The following ZMYND19 variants were observed in gnomAD, a reference collection of about 807,000 sequenced individuals.
ZMYND19 encodes zinc finger MYND domain-containing protein 19.
ZMYND19 carries 17 observed loss-of-function variants against 32.0 expected under a neutral mutation model. That is an observed-to-expected ratio of 0.53 (90% CI 0.36 to 0.80). The LOEUF is 0.80. ZMYND19 is among the 30% of genes least tolerant of loss of function. The pLI is 0.00. For missense variants in ZMYND19, 250 were observed against 293.6 expected, an observed-to-expected ratio of 0.85 and a Z score of 1.09; for synonymous variants, 124 against 113.6, an observed-to-expected ratio of 1.09 and a Z score of -0.58.
rs1323865012 is a variant in ZMYND19, at chr9:137,582,182, A to G, written c.*361T>C. On this transcript the variant is annotated 3_prime_UTR_variant, in exon 6 of 6. Transcript: ENST00000298585. ...AGGGGAGAAGCTTCGACAACAGGAC[A>G]GTTTTTAGTCACGTGGCCTGACCGT... The G allele has an allele frequency of 1.6e-5, 3 of 183,006 alleles. No homozygotes were observed. The highest frequency in any genetic ancestry group is 3.4e-5 in the Non-Finnish European group (3 of 88,070). 11.3% of individuals were successfully genotyped at this position (183,006 alleles called of 1,614,324 possible).
At position 137,590,461 on chromosome 9, in the gene ZMYND19, G is replaced by GCGCCGCCGCCGCCGCCGCCGC. The variant is rs905828783; in HGVS notation, c.-199_-198insGCGGCGGCGGCGGCGGCGGCG. ...GCCTCGCGCCCGCCGGACCTGCCAC[G>GCGCCGCCGCCGCCGCCGCCGC]CGCCGCCGCCGCCGCCGCCACCGCC... On this transcript the variant is annotated 5_prime_UTR_variant, in exon 1 of 6. Transcript: ENST00000298585. The surrounding 1 kb of genome is among the most constrained non-coding windows in gnomAD (Gnocchi z 4.2). The GCGCCGCCGCCGCCGCCGCCGC allele has an allele frequency of 5.7e-6, 1 of 176,214 alleles. No individual in the cohort carries two copies. The highest frequency in any genetic ancestry group is 2.4e-5 in the African/African-American group (1 of 41,110). 10.9% of individuals were successfully genotyped at this position (176,214 alleles called of 1,614,324 possible). A position where few individuals can be genotyped will look rare whatever the true frequency, so the allele number is the denominator to read the frequency against.
At position 137,582,969 on chromosome 9, in the gene ZMYND19, T is replaced by C. The variant is rs1218980558; in HGVS notation, c.540+14A>G. On this transcript the variant is annotated intron_variant, in intron 5 of 5. Coordinates refer to ENST00000298585, the MANE Select transcript of ZMYND19 (RefSeq NM_138462.3). ...AGAGGTGCCAGGGACGCGACCGCAC[T>C]GCAGCACACCCACCTGCTTCTCAAT... is the stretch of plus-strand genomic sequence containing the variant. 6.2e-7 allele frequency: 1 copy of C among 1,613,568 alleles called. No homozygotes were observed. Among genetic ancestry groups the C allele is most frequent in the Non-Finnish European group, 8.5e-7 (1 of 1,179,734 alleles).
intron 3 of ZMYND19, 38 bp downstream of exon 3, chr9:137,587,679 C>T: frequency 1.3e-6 from 2 of 1,595,970 alleles, no homozygotes; most frequent in African/African-American, 2.7e-5. Context: ...ACCCAGGAGC[C>T]CAGTGGCGGG....
intron 5 of ZMYND19, 34 bp downstream of exon 5, chr9:137,582,949 T>G (rs1588972002): frequency 1.2e-6 from 2 of 1,608,492 alleles, no homozygotes; most frequent in East Asian, 2.2e-5. Flanking sequence ...AGGGTAGAGG[T>G]GCCAGGGACG....
In ZMYND19 at chr9:137,584,686, G is replaced by A. The variant is rs561022679; in HGVS notation, c.360-1523C>T. ...CTACAGATGCTGCTCTGCCTGCCAA[G>A]CACGCCTTCCCCTTCCCCTTCCCTT... On this transcript the variant is annotated intron_variant, in intron 4 of 5. Transcript: ENST00000298585. Among the ~76,000 whole-genome samples the A allele has an allele frequency of 1.2e-4, 18 of 152,334 alleles. 1 individual carries two copies. In the South Asian group the frequency reaches 3.7e-3, roughly 32 times the overall value.
chr9:137,587,158 C>T (rs1432963133), intron 3 of ZMYND19, 51 bp from the exon 4 acceptor site: 1 of 1,584,516 alleles, frequency 6.3e-7, no homozygotes, highest in Non-Finnish European at 8.5e-7. Flanking sequence ...CTGCCTCCCA[C>T]CCTCACAGAC....
chr9:137,582,569 G>A lies in ZMYND19; in HGVS notation c.658C>T (p.Gln220Ter). Residue 220 changes from glutamine (Q) to a stop codon, truncating the protein, a stop_gained, in exon 6 of 6, where the codon CAG (glutamine) becomes TAG (stop). Transcript: ENST00000298585. LOFTEE classifies it high-confidence loss of function. ...KHCRERKRPF[Q>*]HELEPER is the part of the protein sequence containing the mutation. ...CATCGCTCTGGCTCAAGCTCATGCT[G>A]GAAGGGACGCTTCCTCTCCCGACAG... The A allele has an allele frequency of 6.2e-7, 1 of 1,613,234 alleles. No homozygotes were observed. Among genetic ancestry groups the A allele is most frequent in the Non-Finnish European group, 8.5e-7 (1 of 1,180,020 alleles).
At position 137,587,018 on chromosome 9, in the gene ZMYND19, A is replaced by G. The variant is rs1226068440; in HGVS notation, c.308T>C (p.Leu103Pro). Residue 103 changes from leucine (L) to proline (P), a missense_variant, in exon 4 of 6, where the codon CTG (leucine) becomes CCG (proline). Coordinates refer to ENST00000298585, the MANE Select transcript of ZMYND19 (RefSeq NM_138462.3). ...CTTGGGCCGCCAGCCCCACGGCACCAGTTGCAGGTTGTCCAGGCGATTGTC... is the reference window on the plus strand; with the variant it reads ...CTTGGGCCGCCAGCCCCACGGCACCGGTTGCAGGTTGTCCAGGCGATTGTC... ...TVDNRLDNLQ[L>P]VPWGWRPKAE... The G allele has an allele frequency of 6.2e-7, 1 of 1,612,512 alleles. No individual in the cohort carries two copies. Among genetic ancestry groups the G allele is most frequent in the Admixed American group, 1.7e-5 (1 of 60,028 alleles).
In ZMYND19 at chr9:137,583,028, G is replaced by A. The variant is rs1842164961; in HGVS notation, c.495C>T (p.Thr165=). The change falls in exon 5 of 6, where the codon ACC becomes ACT. Residue 165 remains threonine (T), a synonymous_variant. Coordinates refer to ENST00000298585, the MANE Select transcript of ZMYND19 (RefSeq NM_138462.3). ...DVVEEEENSC[T]YYECHYPPCT... Reference sequence around the variant, plus strand: ...AGGGAGGGTAGTGGCACTCATAGTAGGTGCAAGAGTTCTCCTCCTCTTCCA... The same window carrying A: ...AGGGAGGGTAGTGGCACTCATAGTAAGTGCAAGAGTTCTCCTCCTCTTCCA... 1 of 1,614,074 alleles carries A rather than the reference G, an allele frequency of 6.2e-7. No homozygotes were observed.
At chr9:137,584,232 G>A (rs762515027) in intron 4 of ZMYND19, among the ~76,000 whole-genome samples, 6 of 152,362 alleles carry the variant, frequency 3.9e-5, no homozygotes. Flanking sequence ...AACCAAAGAT[G>A]GCTGAGCCTG....
At chr9:137,588,567 C>T in intron 2 of ZMYND19, 92 bp downstream of exon 2, 2 of 1,426,582 alleles carry the variant, frequency 1.4e-6, no homozygotes, top group Non-Finnish European at 2.0e-6. Context: ...GGGCCGCCTG[C>T]TCTTGCAGCA....
At chr9:137,585,767 G>A (rs979410179) in intron 4 of ZMYND19, among the ~76,000 whole-genome samples, 8 of 152,204 alleles carry the variant, frequency 5.3e-5, no homozygotes, top group Admixed American at 5.2e-4. Context: ...CCAGGGCTCT[G>A]GCATGACTCT....
chr9:137,589,655 C>T, intron 1 of ZMYND19: 2 of 985,484 alleles, frequency 2.0e-6, no homozygotes, highest in Non-Finnish European at 2.4e-6. Context: ...CAGGCTTCTT[C>T]CTCTCTGCTC....
Position 137,588,994 on chromosome 9 carries a change from G to C in ZMYND19, c.52-276C>G, listed in dbSNP as rs79341388. On this transcript the variant is annotated intron_variant, in intron 1 of 5. Transcript: ENST00000298585. ...TGGTATCAGGCTTCATCCTCGCAGG[G>C]CTAACCCCAACAGTGGCACTGAACA... is the stretch of plus-strand genomic sequence containing the variant. The C allele has an allele frequency of 5.4e-3, 2,481 of 456,112 alleles. 50 individuals are homozygous for C. The highest frequency in any genetic ancestry group is 0.044 in the African/African-American group (2,229 of 51,124). 28.3% of individuals were successfully genotyped at this position (456,112 alleles called of 1,614,324 possible).
intron 4 of ZMYND19, 44 bp from the exon 5 acceptor site, chr9:137,583,207 G>A (rs1842167411): frequency 1.9e-6 from 3 of 1,598,756 alleles, no homozygotes; most frequent in East Asian, 2.2e-5. Flanking sequence ...TGGCCAAACG[G>A]GGCCAGCACA....
rs555961921 is a variant in ZMYND19 at position 137,586,885 on chromosome 9, C to T, written c.359+82G>A. On this transcript the variant is annotated intron_variant, in intron 4 of 5. Coordinates refer to ENST00000298585, the MANE Select transcript of ZMYND19 (RefSeq NM_138462.3). ...CAGGGCTCAGAGGAGGAACAGGAGACCCTCTTGGAAACAAGAGCTTTGGCG... is the reference window on the plus strand; with the variant it reads ...CAGGGCTCAGAGGAGGAACAGGAGATCCTCTTGGAAACAAGAGCTTTGGCG... 4 of 1,568,794 alleles carry T rather than the reference C, an allele frequency of 2.5e-6. No homozygotes were observed. In the Admixed American group the frequency reaches 5.2e-5, roughly 21 times the overall value.
chr9:137,584,358 C>A (rs981863921), intron 4 of ZMYND19, among the ~76,000 whole-genome samples: 1 of 152,256 alleles, frequency 6.6e-6, no homozygotes, highest in African/African-American at 2.4e-5. Flanking sequence ...GCCGTGCCCA[C>A]AGAGAATGGG....
chr9:137,583,722 C>T (rs1209047530), intron 4 of ZMYND19, among the ~76,000 whole-genome samples: 2 of 152,176 alleles, frequency 1.3e-5, no homozygotes, highest in East Asian at 1.9e-4. Flanking sequence ...CCACCAACCC[C>T]GTTCTCCGAA....
chr9:137,584,646 A>G (rs992150616), intron 4 of ZMYND19, among the ~76,000 whole-genome samples: 1 of 152,208 alleles, frequency 6.6e-6, no homozygotes, highest in Non-Finnish European at 1.5e-5. Context: ...ATGTGGGACA[A>G]CGCAGGAGGA....
Sources: gnomAD v4.1 joint callset for allele counts (sites outside exome capture counted in the v4.1 genomes callset) on GRCh38, gnomAD v4.1.1 for gene constraint, Gnocchi (gnomAD v3.1) non-coding constraint, MANE v1.5 for transcripts, NCBI Gene and HGNC (gene_info 2026-07-23, HGNC 2026-07-21) for gene names.